The following MYOF variants were observed in gnomAD, a reference collection of about 807,000 sequenced individuals.
MYOF encodes myoferlin, also known as fer-1-like 3, myoferlin.
Under a neutral mutation model 284.2 loss-of-function variants are expected in MYOF, and 244 were observed. That is an observed-to-expected ratio of 0.86 (90% CI 0.77 to 0.95). The LOEUF (loss-of-function observed/expected upper bound fraction) is 0.95, where lower values mean the gene tolerates loss of function less well. MYOF is among the 40% of genes least tolerant of loss of function. MYOF has a pLI of 0.00. For missense variants in MYOF, 2,496 were observed against 2,560.6 expected (o/e 0.97, Z 0.54); for synonymous variants, 904 against 919.7 (o/e 0.98, Z 0.31).
intron 51 of MYOF, 50 bp downstream of exon 51, chr10:93,312,970 A>G (rs1286098925): frequency 2.0e-6 from 3 of 1,537,040 alleles, no homozygotes; most frequent in Non-Finnish European, 2.6e-6. Context: ...CAAAACCTAA[A>G]TGATAAAAGG....
Position 93,333,147 on chromosome 10 carries a change from G to C in MYOF, c.4811+74C>G, listed in dbSNP as rs1843412054. ...AGTTTCAGAGCCTAGGACAGGGTTG[G>C]ACACATATTAGAGTCTTCATGCATG... On this transcript the variant is annotated intron_variant, in intron 43 of 53. Coordinates refer to ENST00000359263, the MANE Select transcript of MYOF (RefSeq NM_013451.4). The C allele has an allele frequency of 4.1e-6, 5 of 1,214,688 alleles. No individual in the cohort carries two copies. In the East Asian group the frequency reaches 1.2e-4, roughly 28 times the overall value. 75.2% of individuals were successfully genotyped at this position (1,214,688 alleles called of 1,614,324 possible).
At chr10:93,463,675 C>T (rs1387987874) in intron 1 of MYOF, among the ~76,000 whole-genome samples, 3 of 151,854 alleles carry the variant, frequency 2.0e-5, no homozygotes. Flanking sequence ...GCTGCAATTA[C>T]AGGCGTGAGG....
At position 93,482,131 on chromosome 10, in the gene MYOF, G is replaced by T. The variant is rs1430616613; in HGVS notation, c.64C>A (p.Pro22Thr). 18 of 1,614,064 alleles carry T rather than the reference G, an allele frequency of 1.1e-5. No individual in the cohort carries two copies. The Middle Eastern group carries it at 4.9e-4, about 44-fold the overall frequency. ...IPKTKFGKPDPIVSVIFKDEK... is the reference protein window; with the variant it reads ...IPKTKFGKPDTIVSVIFKDEK... The stretch of plus-strand genomic sequence containing the variant: ...CCCTTAAAAATGACAGAAACAATAG[G>T]ATCCGGCTTGCCAAATTTCGTTTTA... The change falls in exon 1 of 54, where the codon CCT (proline) becomes ACT (threonine). Residue 22 changes from proline to threonine, a missense_variant. This residue lies in a region of MYOF where 57 missense variants were observed against 62.4 expected (regional missense o/e 0.91). Transcript: ENST00000359263.
chr10:93,386,965 A>C (rs545135471), intron 19 of MYOF, among the ~76,000 whole-genome samples: 2 of 152,260 alleles, frequency 1.3e-5, no homozygotes, highest in South Asian at 4.1e-4. Flanking sequence ...GTCCTGCCAC[A>C]AGGAGACAGG....
intron 1 of MYOF, among the ~76,000 whole-genome samples, chr10:93,474,671 G>T (rs892769000): frequency 1.3e-5 from 2 of 152,048 alleles, no homozygotes; most frequent in African/African-American, 4.8e-5. Flanking sequence ...ACTGCCATGT[G>T]CAATGTCACA....
chr10:93,382,320 C>A (rs1846161040), intron 19 of MYOF, among the ~76,000 whole-genome samples: 1 of 151,946 alleles, frequency 6.6e-6, no homozygotes. Context: ...CTTACTACAG[C>A]TTCGACTTCT....
intron 3 of MYOF, among the ~76,000 whole-genome samples, chr10:93,437,679 A>G (rs1348317869): frequency 6.6e-6 from 1 of 152,184 alleles, no homozygotes; most frequent in Non-Finnish European, 1.5e-5. Flanking sequence ...CCCCTGTAGG[A>G]AACCTAAAAA....
At chr10:93,333,191 G>C (rs569470202) in intron 43 of MYOF, 30 bp downstream of exon 43, 1 of 1,563,716 alleles carries the variant, frequency 6.4e-7, no homozygotes, top group South Asian at 1.1e-5. Flanking sequence ...AGAAATGAAG[G>C]CCAGAAAAAC....
At chr10:93,358,626 G>C (rs1012898755) in intron 29 of MYOF, among the ~76,000 whole-genome samples, 1 of 152,108 alleles carries the variant, frequency 6.6e-6, no homozygotes, top group African/African-American at 2.4e-5. Context: ...GCCATAAAAA[G>C]GAACGAGATC....
intron 22 of MYOF, among the ~76,000 whole-genome samples, chr10:93,376,333 C>T (rs1198199876): frequency 1.3e-5 from 2 of 152,116 alleles, no homozygotes; most frequent in Non-Finnish European, 2.9e-5. Context: ...GGGCCTTGAA[C>T]AAATAGATGT....
At position 93,353,405 on chromosome 10, in the gene MYOF, G is replaced by T. The variant is rs567237841; in HGVS notation, c.3481+406C>A. Among the ~76,000 whole-genome samples the T allele has an allele frequency of 2.0e-5, 3 of 152,254 alleles. No individual in the cohort carries two copies. In the East Asian group the frequency reaches 5.8e-4, roughly 29 times the overall value. Reference sequence around the variant, plus strand: ...AACTGCTCAAAGCCTGGTGCTGTAGGCAAATGGGCAAACTTATCATCTTTT... The same window carrying T: ...AACTGCTCAAAGCCTGGTGCTGTAGTCAAATGGGCAAACTTATCATCTTTT... On this transcript the variant is annotated intron_variant, in intron 32 of 53. Coordinates refer to ENST00000359263, the MANE Select transcript of MYOF (RefSeq NM_013451.4).
At chr10:93,482,017 G>T in intron 1 of MYOF, 90 bp downstream of exon 1, 1 of 1,237,982 alleles carries the variant, frequency 8.1e-7, no homozygotes, top group Non-Finnish European at 1.2e-6. Flanking sequence ...GGCTTCATCA[G>T]CTGTCTAAAT....
chr10:93,453,858 C>T (rs1426382084), intron 2 of MYOF, among the ~76,000 whole-genome samples: 2 of 151,810 alleles, frequency 1.3e-5, no homozygotes, highest in Non-Finnish European at 2.9e-5. Flanking sequence ...ACACTCTGGC[C>T]TGGGTGGCAG....
At chr10:93,345,999 C>T (rs896949589) in intron 37 of MYOF, among the ~76,000 whole-genome samples, 1 of 151,956 alleles carries the variant, frequency 6.6e-6, no homozygotes, top group African/African-American at 2.4e-5. Context: ...CATATTTGGA[C>T]CAAAAAACCT....
chr10:93,377,343 A>C lies in MYOF; in HGVS notation c.2088T>G (p.Asp696Glu). 6.2e-7 allele frequency: 1 copy of C among 1,613,962 alleles called. No individual in the cohort carries two copies. The highest frequency in any genetic ancestry group is 8.5e-7 in the Non-Finnish European group (1 of 1,179,874). ...QLAELWLKLI[D>E]EVIEDTRYTL... ...TGTACCTCGTGTCTTCTATAACTTC[A>C]TCTATCAGCTTCAGCCACAATTCAG... The change falls in exon 22 of 54, where the codon GAT becomes GAG. Residue 696 changes from aspartate (D) to glutamate (E), a missense_variant. Around this residue, in one of 3 missense-constraint regions of MYOF, gnomAD observed 2,436 missense variants for 2,480.7 expected, o/e 0.98. Coordinates refer to ENST00000359263, the MANE Select transcript of MYOF (RefSeq NM_013451.4).
chr10:93,377,535 C>CA (rs1845891362), intron 21 of MYOF, 106 bp from the exon 22 acceptor site: 2 of 809,846 alleles, frequency 2.5e-6, no homozygotes, highest in South Asian at 3.6e-5. Flanking sequence ...TTTGTATATT[C>CA]AAAAAACAAA....
chr10:93,413,228 G>A (rs1018225528), intron 5 of MYOF, among the ~76,000 whole-genome samples: 2 of 152,148 alleles, frequency 1.3e-5, no homozygotes, highest in African/African-American at 2.4e-5. Flanking sequence ...AACAAAGAAC[G>A]TCTTCTGCTA....
intron 3 of MYOF, among the ~76,000 whole-genome samples, chr10:93,433,260 C>A (rs907446852): frequency 6.6e-6 from 1 of 152,208 alleles, no homozygotes; most frequent in Non-Finnish European, 1.5e-5. Flanking sequence ...CGGGTTTAAG[C>A]AATTCTCCTG....
At chr10:93,351,119 C>A (rs1844483826) in intron 35 of MYOF, 78 bp downstream of exon 35, 1 of 1,443,584 alleles carries the variant, frequency 6.9e-7, no homozygotes, top group South Asian at 1.2e-5. Context: ...CAGCAGGATT[C>A]TATGTTCTAT....
Sources: allele counts gnomAD v4.1 joint callset (sites outside exome capture counted in the v4.1 genomes callset), GRCh38; gene constraint gnomAD v4.1.1; regional missense constraint gnomAD v4.1.1; transcripts MANE v1.5; gene names NCBI Gene and HGNC (gene_info 2026-07-23, HGNC 2026-07-21).